Variants in CDCP1 observed in about 807,000 individuals in gnomAD.
CDCP1 encodes CUB domain containing protein 1, also known as CUB domain-containing protein 1.
CDCP1 carries 29 observed loss-of-function variants against 60.2 expected under a neutral mutation model. That is an observed-to-expected ratio of 0.48 (90% CI 0.36 to 0.66). The LOEUF is 0.66. Ranked by LOEUF, CDCP1 falls within the 30% of genes least tolerant of loss-of-function variation. CDCP1 has a pLI of 0.00. For synonymous variants in CDCP1, 387 were observed against 431.1 expected (o/e 0.90, Z 1.27); for missense variants, 876 against 1,074.3 (o/e 0.82, Z 2.58).
intron 1 of CDCP1, among the ~76,000 whole-genome samples, chr3:45,133,414 T>C (rs921442778): frequency 2.1e-5 from 3 of 141,888 alleles, no homozygotes; most frequent in Admixed American, 1.4e-4. Context: ...TATGCAGCAA[T>C]AGAAAACCAA....
At chr3:45,102,537 G>C (rs891863166) in intron 4 of CDCP1, among the ~76,000 whole-genome samples, 6 of 149,612 alleles carry the variant, frequency 4.0e-5, no homozygotes, top group South Asian at 2.2e-4. Context: ...GGGCATGGTG[G>C]CTCATGCCTG....
intron 4 of CDCP1, among the ~76,000 whole-genome samples, chr3:45,100,232 A>T (rs1214869162): frequency 1.3e-5 from 2 of 152,232 alleles, no homozygotes; most frequent in South Asian, 2.1e-4. Context: ...GCACCAGGGA[A>T]GGAAGGATGG....
At chr3:45,100,761 C>G (rs1436973734) in intron 4 of CDCP1, among the ~76,000 whole-genome samples, 1 of 152,156 alleles carries the variant, frequency 6.6e-6, no homozygotes, top group African/African-American at 2.4e-5. Context: ...GTAAAGCCAT[C>G]TTTAACAGGA....
chr3:45,108,556 C>T (rs568906238), intron 4 of CDCP1, among the ~76,000 whole-genome samples: 44 of 151,860 alleles, frequency 2.9e-4, no homozygotes, highest in South Asian at 1.5e-3. Flanking sequence ...AACAAATCCC[C>T]CTGTCTTCTA....
At position 45,091,506 on chromosome 3, in the gene CDCP1, T is replaced by C. The variant is rs1418037849; in HGVS notation, c.1660A>G (p.Lys554Glu). Residue 554 changes from lysine (K) to glutamate (E), a missense_variant, in exon 7 of 9, where the codon AAA becomes GAA. This residue lies in a region of CDCP1 where 726 missense variants were observed against 935.7 expected (regional missense o/e 0.78). Coordinates refer to ENST00000296129, the MANE Select transcript of CDCP1 (RefSeq NM_022842.5). This position sits in a 1 kb window ranked among gnomAD's most constrained non-coding sequence, Gnocchi z 4.8. Reference sequence around the variant, plus strand: ...GGGGTCCTCAGGTAGACCTTGCTTTTTGTGTCAGGGGTCACCGTGAAAACG... The same window carrying C: ...GGGGTCCTCAGGTAGACCTTGCTTTCTGTGTCAGGGGTCACCGTGAAAACG... ...EGVFTVTPDT[K>E]SKVYLRTPNW... The C allele has an allele frequency of 1.9e-6, 3 of 1,607,654 alleles. No homozygotes were observed. In the East Asian group the frequency reaches 6.7e-5, roughly 36 times the overall value.
At chr3:45,116,651 C>G (rs192680228) in intron 2 of CDCP1, among the ~76,000 whole-genome samples, 1 of 152,184 alleles carries the variant, frequency 6.6e-6, no homozygotes, top group Non-Finnish European at 1.5e-5. Flanking sequence ...AGTTTGCCAA[C>G]CTGTCTCTAG....
At chr3:45,132,677 T>C (rs934798425) in intron 1 of CDCP1, among the ~76,000 whole-genome samples, 1 of 152,208 alleles carries the variant, frequency 6.6e-6, no homozygotes, top group African/African-American at 2.4e-5. Flanking sequence ...ATCTGCAGCA[T>C]TTGGCTAAAA....
intron 4 of CDCP1, among the ~76,000 whole-genome samples, chr3:45,106,744 A>C (rs899043366): frequency 6.6e-6 from 1 of 152,176 alleles, no homozygotes; most frequent in Non-Finnish European, 1.5e-5. Context: ...TTCTGGGGAC[A>C]AAGGAAGGTC....
chr3:45,132,744 A>G (rs995294566), intron 1 of CDCP1, among the ~76,000 whole-genome samples: 1 of 152,228 alleles, frequency 6.6e-6, no homozygotes, highest in African/African-American at 2.4e-5. Flanking sequence ...GTGCAAAGCC[A>G]GGCATGTGGC....
chr3:45,124,949 TGTTCATTA>T (rs1472856221), intron 1 of CDCP1, among the ~76,000 whole-genome samples: 1 of 152,178 alleles, frequency 6.6e-6, no homozygotes, highest in Non-Finnish European at 1.5e-5. Context: ...TTTGCCTGTC[TGTTCATTA>T]GACCCAAATA....
At chr3:45,107,736 T>C (rs1455645000) in intron 4 of CDCP1, among the ~76,000 whole-genome samples, 1 of 152,142 alleles carries the variant, frequency 6.6e-6, no homozygotes, top group Non-Finnish European at 1.5e-5. Context: ...TTCAAATCCA[T>C]GCAGGCCAAC....
At chr3:45,111,504 C>T (rs1300827015) in intron 3 of CDCP1, among the ~76,000 whole-genome samples, 4 of 151,918 alleles carry the variant, frequency 2.6e-5, no homozygotes, top group Non-Finnish European at 4.4e-5. Context: ...GGTGAAACCC[C>T]GTATCTACTA....
intron 2 of CDCP1, among the ~76,000 whole-genome samples, chr3:45,116,753 C>T (rs1275102632): frequency 6.6e-6 from 1 of 152,154 alleles, no homozygotes; most frequent in Non-Finnish European, 1.5e-5. Flanking sequence ...ACTGTTCTCC[C>T]CTGTCTCGGG....
rs980292726 is a variant in CDCP1 at position 45,083,919 on chromosome 3, A to G, written c.*1719T>C. 1 of 152,024 alleles carries G rather than the reference A, an allele frequency of 6.6e-6. No individual in the cohort carries two copies. Among genetic ancestry groups the G allele is most frequent in the African/African-American group, 2.4e-5 (1 of 41,360 alleles). 9.4% of individuals were successfully genotyped at this position (152,024 alleles called of 1,614,324 possible). A position where few individuals can be genotyped will look rare whatever the true frequency, so the allele number is the denominator to read the frequency against. On this transcript the variant is annotated 3_prime_UTR_variant, in exon 9 of 9. Coordinates refer to ENST00000296129, the MANE Select transcript of CDCP1 (RefSeq NM_022842.5). ...ATGAGATCCTGTCTCACATTAAAAAAAAAAAGAAAAAGAAAAAGAAAAAAA... is the reference window on the plus strand; with the variant it reads ...ATGAGATCCTGTCTCACATTAAAAAGAAAAAGAAAAAGAAAAAGAAAAAAA...
chr3:45,127,138 T>C (rs1024820542), intron 1 of CDCP1, among the ~76,000 whole-genome samples: 1 of 152,254 alleles, frequency 6.6e-6, no homozygotes. Flanking sequence ...ATATTTGTTT[T>C]AAATGGTCCA....
chr3:45,101,119 A>G (rs1698478937), intron 4 of CDCP1, among the ~76,000 whole-genome samples: 1 of 152,232 alleles, frequency 6.6e-6, no homozygotes. Flanking sequence ...TGTGAACCAC[A>G]TGATGAGTGC....
At chr3:45,101,340 C>T (rs943903712) in intron 4 of CDCP1, among the ~76,000 whole-genome samples, 1 of 152,196 alleles carries the variant, frequency 6.6e-6, no homozygotes, top group Non-Finnish European at 1.5e-5. Context: ...AGTGGTAAGA[C>T]TGGCAATGAA....
chr3:45,083,346 A>G lies in CDCP1; in HGVS notation c.*2292T>C, dbSNP rs1380852458. On this transcript the variant is annotated 3_prime_UTR_variant, in exon 9 of 9. Transcript: ENST00000296129. ...ATGACTTAAATATCCTATCCTCTGG[A>G]AAGTGTTCAAGAGGTCTTGCAGTAC... 3 of 152,346 alleles carry G rather than the reference A, an allele frequency of 2.0e-5. No homozygotes were observed. The highest frequency in any genetic ancestry group is 2.9e-5 in the Non-Finnish European group (2 of 68,036). The allele number at this position is 152,346 out of a possible 1,614,324, so 9.4% of individuals were successfully genotyped here. A position where few individuals can be genotyped will look rare whatever the true frequency, so the allele number is the denominator to read the frequency against.
At position 45,091,259 on chromosome 3, in the gene CDCP1, A is replaced by T. The variant is rs1407756591; in HGVS notation, c.1907T>A (p.Phe636Tyr). 9.9e-6 allele frequency: 16 copies of T among 1,613,630 alleles called. No homozygotes were observed. Among genetic ancestry groups the T allele is most frequent in the Non-Finnish European group, 1.4e-5 (16 of 1,179,994 alleles). ...LPKPSFHHHS[F>Y]WVNISNCSPT... ...GCTGCAGTTAGAGATGTTGACCCAGAAGCTGTGATGGTGGAAGCTTGGCTT... is the reference window on the plus strand; with the variant it reads ...GCTGCAGTTAGAGATGTTGACCCAGTAGCTGTGATGGTGGAAGCTTGGCTT... The change falls in exon 7 of 9, where the codon TTC (phenylalanine) becomes TAC (tyrosine). Residue 636 changes from phenylalanine (F) to tyrosine (Y), a missense_variant. This residue lies in a region of CDCP1 where 726 missense variants were observed against 935.7 expected (regional missense o/e 0.78). Coordinates refer to ENST00000296129, the MANE Select transcript of CDCP1 (RefSeq NM_022842.5). The surrounding 1 kb of genome is among the most constrained non-coding windows in gnomAD (Gnocchi z 4.8).
Sources: gnomAD v4.1 joint callset for allele counts (sites outside exome capture counted in the v4.1 genomes callset) on GRCh38, gnomAD v4.1.1 for gene constraint, gnomAD v4.1.1 regional missense constraint, Gnocchi (gnomAD v3.1) non-coding constraint, MANE v1.5 for transcripts, NCBI Gene and HGNC (gene_info 2026-07-23, HGNC 2026-07-21) for gene names.